Variants in TMEM232 observed in about 807,000 individuals in gnomAD.
The protein encoded by TMEM232 is transmembrane protein 232.
TMEM232 carries 80 observed loss-of-function variants against 78.8 expected under a neutral mutation model. The ratio of observed to expected loss-of-function variants is 1.01; its 90% CI spans 0.85 to 1.22. The LOEUF (loss-of-function observed/expected upper bound fraction) is 1.22, where lower values mean the gene tolerates loss of function less well. Among genes scored for constraint, TMEM232 ranks in the 50% most tolerant of loss-of-function variants. The pLI is 0.00. For synonymous variants in TMEM232, 297 were observed against 254.3 expected (o/e 1.17, Z -1.60); for missense variants, 881 against 742.2 (o/e 1.19, Z -2.17).
intron 12 of TMEM232, among the ~76,000 whole-genome samples, chr5:110,502,479 A>G (rs894529312): frequency 6.6e-6 from 1 of 152,210 alleles, no homozygotes; most frequent in African/African-American, 2.4e-5. Flanking sequence ...AAAAGGAATA[A>G]AAGAAACATC....
chr5:110,683,546 T>C (rs1793021643), intron 1 of TMEM232, among the ~76,000 whole-genome samples: 3 of 151,990 alleles, frequency 2.0e-5, no homozygotes, highest in Admixed American at 2.0e-4. Context: ...TTAAAATTGT[T>C]AATAAAATCA....
intron 12 of TMEM232, 75 bp downstream of exon 12, chr5:110,528,513 C>T: frequency 7.2e-7 from 1 of 1,384,812 alleles, no homozygotes; most frequent in Non-Finnish European, 9.4e-7. Flanking sequence ...TGATGTGGCA[C>T]ATAATTATCT....
chr5:110,570,062 G>A (rs567117288), intron 10 of TMEM232, among the ~76,000 whole-genome samples: 65 of 152,058 alleles, frequency 4.3e-4, no homozygotes, highest in African/African-American at 1.6e-3. Flanking sequence ...CAAGTAATAG[G>A]AGGAAGGCAT....
chr5:110,694,871 C>A (rs1214879516), intron 1 of TMEM232, among the ~76,000 whole-genome samples: 1 of 152,182 alleles, frequency 6.6e-6, no homozygotes, highest in African/African-American at 2.4e-5. Flanking sequence ...TAACACCCCA[C>A]TGTCAACATT....
At chr5:110,435,731 T>C (rs78893782) in intron 12 of TMEM232, among the ~76,000 whole-genome samples, 1 of 152,072 alleles carries the variant, frequency 6.6e-6, no homozygotes, top group Admixed American at 6.6e-5. Flanking sequence ...GTGCCTGGCT[T>C]ATTTCACCTA....
At chr5:110,392,083 G>A (rs1464011990) in intron 3 of TMEM232, among the ~76,000 whole-genome samples, 1 of 152,146 alleles carries the variant, frequency 6.6e-6, no homozygotes, top group Non-Finnish European at 1.5e-5. Context: ...CTATTCTAAT[G>A]GTATTGCTAT....
chr5:110,438,227 T>C (rs1758644338), intron 12 of TMEM232, among the ~76,000 whole-genome samples: 1 of 151,932 alleles, frequency 6.6e-6, no homozygotes, highest in African/African-American at 2.4e-5. Flanking sequence ...TTCCCTTTTC[T>C]TAGGCTTTTT....
intron 11 of TMEM232, among the ~76,000 whole-genome samples, chr5:110,546,239 T>A (rs1463434467): frequency 6.6e-6 from 1 of 152,082 alleles, no homozygotes; most frequent in Non-Finnish European, 1.5e-5. Flanking sequence ...GTAGATAATG[T>A]AAAGAAAGTC....
intron 12 of TMEM232, among the ~76,000 whole-genome samples, chr5:110,482,190 T>A (rs1218523394): frequency 6.6e-6 from 1 of 151,994 alleles, no homozygotes; most frequent in African/African-American, 2.4e-5. Flanking sequence ...AAAGCTCCAA[T>A]TAGAGACATC....
At chr5:110,721,959 TC>T (rs1176514494) in intron 1 of TMEM232, among the ~76,000 whole-genome samples, 1 of 151,582 alleles carries the variant, frequency 6.6e-6, no homozygotes, top group Non-Finnish European at 1.5e-5. Context: ...TAGAATCACT[TC>T]TTAAAACACA....
intron 10 of TMEM232, among the ~76,000 whole-genome samples, chr5:110,592,375 G>C (rs1265964525): frequency 6.6e-6 from 1 of 152,072 alleles, no homozygotes; most frequent in Admixed American, 6.6e-5. Flanking sequence ...GGTAAGAATT[G>C]AGCATTTCAA....
At chr5:110,643,781 G>GACAGATCT (rs1459738194) in intron 2 of TMEM232, among the ~76,000 whole-genome samples, 1 of 151,946 alleles carries the variant, frequency 6.6e-6, no homozygotes, top group Non-Finnish European at 1.5e-5. Context: ...CTACTGGGGA[G>GACAGATCT]ACAGATCTAC....
intron 2 of TMEM232, among the ~76,000 whole-genome samples, chr5:110,660,775 T>A (rs566384039): frequency 6.6e-6 from 1 of 152,294 alleles, no homozygotes; most frequent in East Asian, 1.9e-4. Context: ...TGTTTAATGA[T>A]CAAATCAGGG....
chr5:110,582,518 G>A (rs77979781), intron 10 of TMEM232, among the ~76,000 whole-genome samples: 258 of 152,012 alleles, frequency 1.7e-3, no homozygotes, highest in African/African-American at 5.8e-3. Flanking sequence ...AGGTGGAAAC[G>A]AGGGGAAGAG....
At chr5:110,677,714 G>A (rs567664067) in intron 1 of TMEM232, among the ~76,000 whole-genome samples, 31 of 152,228 alleles carry the variant, frequency 2.0e-4, no homozygotes, top group Admixed American at 2.0e-3. Flanking sequence ...GGAACTGGCT[G>A]CTGGTAAAAC....
chr5:110,455,699 A>G (rs1389539660), intron 12 of TMEM232, among the ~76,000 whole-genome samples: 1 of 152,162 alleles, frequency 6.6e-6, no homozygotes, highest in African/African-American at 2.4e-5. Context: ...AAACTTTTAA[A>G]CAAAATGAGA....
chr5:110,712,111 A>C (rs1377089171), intron 1 of TMEM232, among the ~76,000 whole-genome samples: 1 of 150,340 alleles, frequency 6.7e-6, no homozygotes, highest in African/African-American at 2.5e-5. Flanking sequence ...ATCTCAAAAA[A>C]AAAAAAAAAA....
chr5:110,582,727 T>C (rs1778351504), intron 10 of TMEM232, among the ~76,000 whole-genome samples: 1 of 151,908 alleles, frequency 6.6e-6, no homozygotes, highest in African/African-American at 2.4e-5. Flanking sequence ...GTATCTCTGT[T>C]TGCAGACGAC....
chr5:110,556,393 CTTT>C (rs1775100376), intron 11 of TMEM232, among the ~76,000 whole-genome samples: 1 of 148,922 alleles, frequency 6.7e-6, no homozygotes, highest in African/African-American at 2.5e-5. Context: ...TTCTTTCCTT[CTTT>C]CTTTCTTTCA....
Sources: allele counts gnomAD v4.1 joint callset (sites outside exome capture counted in the v4.1 genomes callset), GRCh38; gene constraint gnomAD v4.1.1; transcripts MANE v1.5; gene names NCBI Gene and HGNC (gene_info 2026-07-23, HGNC 2026-07-21).